RASGRP1: variants seen among roughly 807,000 people sequenced by gnomAD.
RASGRP1 encodes RAS guanyl-releasing protein 1.
In RASGRP1, 37 loss-of-function variants were observed where a neutral mutation model predicts 95.1. The observed-to-expected ratio is 0.39, with a 90% CI of 0.30 to 0.51. The LOEUF (loss-of-function observed/expected upper bound fraction) is 0.51. Among genes scored for constraint, RASGRP1 ranks in the 20% least tolerant of loss-of-function variants. RASGRP1 has a pLI of 0.80. For synonymous variants in RASGRP1, 325 were observed against 353.4 expected (o/e 0.92, Z 0.90); for missense variants, 711 against 965.4 (o/e 0.74, Z 3.49).
intron 2 of RASGRP1, among the ~76,000 whole-genome samples, chr15:38,532,523 G>A (rs1892483671): frequency 6.6e-6 from 1 of 152,128 alleles, no homozygotes; most frequent in Non-Finnish European, 1.5e-5. Flanking sequence ...CTCAGTGCTG[G>A]CATCCCATAG....
Position 38,549,220 on chromosome 15 carries a change from G to A in RASGRP1, c.220+10601C>T, listed in dbSNP as rs184163000. Among the ~76,000 whole-genome samples, 33 of 152,280 alleles carry A rather than the reference G, an allele frequency of 2.2e-4. No homozygotes were observed. The East Asian group carries it at 6.2e-3, about 29-fold the overall frequency. On this transcript the variant is annotated intron_variant, in intron 2 of 16. Coordinates refer to ENST00000310803, the MANE Select transcript of RASGRP1 (RefSeq NM_005739.4). ...TGAAGTAAATATGGAATCCAATTGT[G>A]GTGCTCATGAACTGGGAAGGAGGAA...
chr15:38,512,156 C>G (rs1566917964), intron 7 of RASGRP1, among the ~76,000 whole-genome samples: 1 of 152,156 alleles, frequency 6.6e-6, no homozygotes, highest in African/African-American at 2.4e-5. Flanking sequence ...TCTAGACCAT[C>G]CAGAGTTGGA....
At chr15:38,494,353 G>GA (rs770969527) in intron 16 of RASGRP1, 29 bp downstream of exon 16, 11 of 1,611,130 alleles carry the variant, frequency 6.8e-6, no homozygotes, top group East Asian at 2.2e-5. Context: ...AAGATAGTCT[G>GA]AAAAAAAGGA....
intron 3 of RASGRP1, among the ~76,000 whole-genome samples, chr15:38,519,927 G>T (rs142267221): frequency 9.2e-5 from 14 of 152,306 alleles, no homozygotes; most frequent in African/African-American, 3.4e-4. Context: ...GAGGATGTCA[G>T]TAGACTGACC....
chr15:38,496,290 G>A (rs1890789324), intron 15 of RASGRP1, among the ~76,000 whole-genome samples: 1 of 152,180 alleles, frequency 6.6e-6, no homozygotes, highest in East Asian at 1.9e-4. Context: ...TTTTCATTTT[G>A]TTGCCCATGA....
chr15:38,531,841 T>C (rs1324589787), intron 2 of RASGRP1, among the ~76,000 whole-genome samples: 1 of 152,194 alleles, frequency 6.6e-6, no homozygotes, highest in Non-Finnish European at 1.5e-5. Context: ...GTGTAGTCAC[T>C]TGCCCTCATT....
At chr15:38,499,676 T>G (rs1485927251) in intron 14 of RASGRP1, among the ~76,000 whole-genome samples, 1 of 152,186 alleles carries the variant, frequency 6.6e-6, no homozygotes, top group Non-Finnish European at 1.5e-5. Flanking sequence ...AAAAAATGTT[T>G]TAGAGGTGGG....
Position 38,494,251 on chromosome 15 carries a change from C to T in RASGRP1, c.2259+131G>A. ...TCCCTGTTTCTCCCTCCCTGTTTCT[C>T]CCCTCCTCCTTTTTTGTTTTAGACT... On this transcript the variant is annotated intron_variant, in intron 16 of 16. Transcript: ENST00000310803. 3 of 1,191,100 alleles carry T rather than the reference C, an allele frequency of 2.5e-6. No individual in the cohort carries two copies. In the South Asian group the frequency reaches 3.9e-5, roughly 16 times the overall value. 73.8% of individuals were successfully genotyped at this position (1,191,100 alleles called of 1,614,324 possible).
In RASGRP1 at chr15:38,564,257, A is replaced by G. The variant is rs1168643642; in HGVS notation, c.35+337T>C. On this transcript the variant is annotated intron_variant, in intron 1 of 16. Transcript: ENST00000310803. ...GCAGCGCGGAAAGTCCGCGAGTGGG[A>G]GTCCCGATGCCGGGCGTGGAGATGT... is the stretch of plus-strand genomic sequence containing the variant. 5.3e-5 allele frequency among the ~76,000 whole-genome samples: 8 copies of G among 152,150 alleles called. No homozygotes were observed. In the East Asian group the frequency reaches 1.6e-3, roughly 30 times the overall value.
At chr15:38,515,887 CAGAGAG>C (rs34032922) in intron 6 of RASGRP1, among the ~76,000 whole-genome samples, 11 of 140,984 alleles carry the variant, frequency 7.8e-5, no homozygotes, top group Non-Finnish European at 1.1e-4. Flanking sequence ...ATGAGAGAGA[CAGAGAG>C]AGAGAGAGAG....
chr15:38,510,128 C>G (rs1201063749), intron 8 of RASGRP1, among the ~76,000 whole-genome samples: 2 of 152,140 alleles, frequency 1.3e-5, no homozygotes, highest in African/African-American at 4.8e-5. Flanking sequence ...TTGCTTCAAC[C>G]CTGGACTTAC....
chr15:38,526,798 T>C (rs1453377470), intron 2 of RASGRP1, among the ~76,000 whole-genome samples: 2 of 152,120 alleles, frequency 1.3e-5, no homozygotes, highest in Non-Finnish European at 2.9e-5. Flanking sequence ...TTTAATAGAT[T>C]GCAGTTAAAA....
chr15:38,556,824 G>A (rs1182370065), intron 2 of RASGRP1, among the ~76,000 whole-genome samples: 1 of 152,208 alleles, frequency 6.6e-6, no homozygotes, highest in Non-Finnish European at 1.5e-5. Flanking sequence ...AGAGGCAGTA[G>A]AAACTAAATT....
chr15:38,543,981 G>C (rs188895625), intron 2 of RASGRP1, among the ~76,000 whole-genome samples: 96 of 152,120 alleles, frequency 6.3e-4, no homozygotes, highest in African/African-American at 2.2e-3. Context: ...GCTGGGCATT[G>C]TAAGTGCAAT....
chr15:38,514,224 C>G (rs1479686896), intron 6 of RASGRP1, among the ~76,000 whole-genome samples: 1 of 152,038 alleles, frequency 6.6e-6, no homozygotes, highest in Admixed American at 6.6e-5. Flanking sequence ...ATTAACTGAG[C>G]CCCATTTTAC....
At chr15:38,522,046 A>T (rs1456812797) in intron 3 of RASGRP1, among the ~76,000 whole-genome samples, 1 of 152,200 alleles carries the variant, frequency 6.6e-6, no homozygotes, top group Admixed American at 6.5e-5. Flanking sequence ...AAATATAAAA[A>T]GTATCCCAAT....
At chr15:38,504,254 TAA>T (rs1376133354) in intron 10 of RASGRP1, 6 of 152,210 alleles carry the variant, frequency 3.9e-5, no homozygotes, top group Non-Finnish European at 7.4e-5. Flanking sequence ...TAGACTACAC[TAA>T]GTTTCTTAAA....
chr15:38,494,653 C>A lies in RASGRP1; in HGVS notation c.1988G>T (p.Arg663Leu). The A allele has an allele frequency of 6.5e-7, 1 of 1,548,820 alleles. No homozygotes were observed. Among genetic ancestry groups the A allele is most frequent in the Non-Finnish European group, 8.7e-7 (1 of 1,153,520 alleles). Residue 663 changes from arginine to leucine, a missense_variant, in exon 16 of 17, where the codon CGG (arginine) becomes CTG (leucine). By Grantham distance (102) the Arg-to-Leu change is moderately radical (BLOSUM62 -2). This residue lies in a region of RASGRP1 where 212 missense variants were observed against 247.8 expected (regional missense o/e 0.86). Coordinates refer to ENST00000310803, the MANE Select transcript of RASGRP1 (RefSeq NM_005739.4). ...CTTGTGGGCAACAGCCCTCTTCAGC[C>A]GAAGAGAAATCTTCTGTGAGGACAC... ...MGVSSQKISL[R>L]LKRAVAHKAT...
chr15:38,531,661 G>C (rs1200060349), intron 2 of RASGRP1, among the ~76,000 whole-genome samples: 1 of 152,130 alleles, frequency 6.6e-6, no homozygotes. Context: ...CTGTGGGAGT[G>C]AGTGCTGGCA....
Sources: allele counts gnomAD v4.1 joint callset (sites outside exome capture counted in the v4.1 genomes callset), GRCh38; gene constraint gnomAD v4.1.1; regional missense constraint gnomAD v4.1.1; transcripts MANE v1.5; gene names NCBI Gene and HGNC (gene_info 2026-07-23, HGNC 2026-07-21).